Variants in ADGRL2 observed in about 807,000 individuals in gnomAD.
The protein encoded by ADGRL2 is adhesion G protein-coupled receptor L2.
ADGRL2 carries 44 observed loss-of-function variants against 157.4 expected under a neutral mutation model. The observed-to-expected ratio is 0.28, with a 90% CI of 0.22 to 0.36. The LOEUF (loss-of-function observed/expected upper bound fraction) is 0.36, where lower values mean the gene tolerates loss of function less well. Ranked by LOEUF, ADGRL2 falls within the 10% of genes least tolerant of loss-of-function variation. The probability of loss-of-function intolerance (pLI) is 1.00; values close to 1 mark genes in which losing one functional copy is unlikely to be tolerated. For missense variants in ADGRL2, 1,510 were observed against 1,768.9 expected, an observed-to-expected ratio of 0.85 and a Z score of 2.63; for synonymous variants, 585 against 624.7, an observed-to-expected ratio of 0.94 and a Z score of 0.95.
chr1:81,793,456 C>T (rs1462812205), intron 2 of ADGRL2, among the ~76,000 whole-genome samples: 1 of 152,068 alleles, frequency 6.6e-6, no homozygotes, highest in Non-Finnish European at 1.5e-5. Flanking sequence ...AATTTAATGG[C>T]ATATTAAGAC....
intron 2 of ADGRL2, among the ~76,000 whole-genome samples, chr1:81,765,680 T>C (rs891565857): frequency 6.6e-5 from 10 of 152,026 alleles, no homozygotes; most frequent in Non-Finnish European, 1.2e-4. Context: ...TTGTACTTAA[T>C]GAATAAAGGT....
chr1:81,362,497 T>C (rs1440397180), intron 1 of ADGRL2, among the ~76,000 whole-genome samples: 1 of 151,932 alleles, frequency 6.6e-6, no homozygotes, highest in East Asian at 1.9e-4. Flanking sequence ...TGCTAATTCC[T>C]CCACAAGAAA....
intron 1 of ADGRL2, among the ~76,000 whole-genome samples, chr1:81,715,394 A>G (rs1364364340): frequency 1.3e-5 from 2 of 152,192 alleles, no homozygotes; most frequent in Non-Finnish European, 2.9e-5. Context: ...AGGTCTAAAC[A>G]GGAGAAAAAG....
intron 2 of ADGRL2, among the ~76,000 whole-genome samples, chr1:81,895,393 CTTT>C (rs34557038): frequency 1.0e-5 from 1 of 97,578 alleles, no homozygotes. Context: ...TTAAATGTAT[CTTT>C]TTTTTTTTTT....
At chr1:81,335,595 C>G (rs939020815) in intron 1 of ADGRL2, among the ~76,000 whole-genome samples, 3 of 152,116 alleles carry the variant, frequency 2.0e-5, no homozygotes, top group Admixed American at 2.0e-4. Flanking sequence ...TGAACAAATA[C>G]AGGATTAAAC....
At chr1:81,891,086 ATGC>A (rs2094252181) in intron 2 of ADGRL2, among the ~76,000 whole-genome samples, 1 of 151,852 alleles carries the variant, frequency 6.6e-6, no homozygotes, top group Non-Finnish European at 1.5e-5. Flanking sequence ...ATTTCCCCCC[ATGC>A]ATGTATATAG....
In ADGRL2 at chr1:81,947,278, G is replaced by T. The variant is rs574303246; in HGVS notation, c.1211-2911G>T. Among the ~76,000 whole-genome samples the T allele has an allele frequency of 2.8e-4, 43 of 152,212 alleles. 1 individual carries two copies. Among genetic ancestry groups the T allele is most frequent in the African/African-American group, 1.0e-3 (43 of 41,552 alleles). Reference sequence around the variant, plus strand: ...TTCATTATGGAACTTCTCATTGTTTGTTATTCTAGTCTTATGCTTTCTTTC... The same window carrying T: ...TTCATTATGGAACTTCTCATTGTTTTTTATTCTAGTCTTATGCTTTCTTTC... On this transcript the variant is annotated intron_variant, in intron 6 of 23. Coordinates refer to ENST00000686636, the MANE Select transcript of ADGRL2 (RefSeq NM_001366006.2).
chr1:81,591,975 C>A (rs537291377), intron 3 of ADGRL2, among the ~76,000 whole-genome samples: 37 of 152,274 alleles, frequency 2.4e-4, no homozygotes, highest in African/African-American at 7.7e-4. Flanking sequence ...GACTCCTGAC[C>A]CATAAGAACA....
intron 3 of ADGRL2, among the ~76,000 whole-genome samples, chr1:81,633,691 T>C (rs1265509220): frequency 6.6e-6 from 1 of 151,816 alleles, no homozygotes. Context: ...ATCTAACCAG[T>C]TGTTCAGGTC....
At chr1:81,675,914 A>C (rs2082978156) in intron 3 of ADGRL2, among the ~76,000 whole-genome samples, 1 of 152,012 alleles carries the variant, frequency 6.6e-6, no homozygotes. Flanking sequence ...TTCACGCAAA[A>C]TGAAGGTTTT....
chr1:81,436,738 G>T (rs564732033), intron 1 of ADGRL2, among the ~76,000 whole-genome samples: 2 of 152,314 alleles, frequency 1.3e-5, no homozygotes, highest in East Asian at 1.9e-4. Flanking sequence ...CCAGGGACTG[G>T]TCTGCTCAGT....
At chr1:81,916,189 C>A (rs1358423112) in intron 3 of ADGRL2, among the ~76,000 whole-genome samples, 1 of 152,048 alleles carries the variant, frequency 6.6e-6, no homozygotes, top group Admixed American at 6.6e-5. Context: ...TTTACTAATA[C>A]ACATTTATCT....
At chr1:81,605,964 C>T (rs1272373662) in intron 3 of ADGRL2, among the ~76,000 whole-genome samples, 1 of 152,120 alleles carries the variant, frequency 6.6e-6, no homozygotes, top group African/African-American at 2.4e-5. Context: ...TTATCCCAAC[C>T]TCTTTATTAA....
chr1:81,816,555 C>T (rs2090424429), intron 1 of ADGRL2, among the ~76,000 whole-genome samples: 1 of 151,600 alleles, frequency 6.6e-6, no homozygotes, highest in African/African-American at 2.4e-5. Context: ...TAAAGAGAAC[C>T]AGGATATAAA....
At chr1:81,754,192 A>G (rs4650580) in intron 1 of ADGRL2, among the ~76,000 whole-genome samples, 21,162 of 145,074 alleles carry the variant, frequency 0.15, 1,775 homozygotes, top group Admixed American at 0.18. Flanking sequence ...GATTTCATAG[A>G]TTCCCTCCCT....
At chr1:81,392,065 T>G (rs1481713491) in intron 1 of ADGRL2, among the ~76,000 whole-genome samples, 1 of 152,126 alleles carries the variant, frequency 6.6e-6, no homozygotes, top group Non-Finnish European at 1.5e-5. Context: ...TCGATTTAAG[T>G]CCAGGTCTGT....
chr1:81,782,031 G>A (rs537325589), intron 2 of ADGRL2, among the ~76,000 whole-genome samples: 5 of 152,212 alleles, frequency 3.3e-5, no homozygotes, highest in East Asian at 1.9e-4. Flanking sequence ...CAGTGTTCCC[G>A]TATTTTTGCA....
At chr1:81,915,678 G>A (rs1333133659) in intron 3 of ADGRL2, among the ~76,000 whole-genome samples, 1 of 152,102 alleles carries the variant, frequency 6.6e-6, no homozygotes, top group African/African-American at 2.4e-5. Flanking sequence ...ATAAGGGTAA[G>A]GGAAATTAGT....
intron 2 of ADGRL2, among the ~76,000 whole-genome samples, chr1:81,476,013 G>A (rs2101892015): frequency 6.6e-6 from 1 of 152,298 alleles, no homozygotes. Flanking sequence ...AGGAAGCAGT[G>A]CTTCCATAGG....
Sources: allele counts gnomAD v4.1 joint callset (sites outside exome capture counted in the v4.1 genomes callset), GRCh38; gene constraint gnomAD v4.1.1; transcripts MANE v1.5; gene names NCBI Gene and HGNC (gene_info 2026-07-23, HGNC 2026-07-21).